Variants in PRKRIP1 observed in about 807,000 individuals in gnomAD.
PRKRIP1 encodes PRKR-interacting protein 1.
A neutral mutation model predicts 29.3 loss-of-function variants in PRKRIP1; 29 were observed. The ratio of observed to expected loss-of-function variants is 0.99; its 90% CI spans 0.74 to 1.35. The LOEUF is 1.35. Among genes scored for constraint, PRKRIP1 ranks in the 40% most tolerant of loss-of-function variants. PRKRIP1 has a pLI of 0.00. For synonymous variants in PRKRIP1, 90 were observed against 85.1 expected (o/e 1.06, Z -0.32); for missense variants, 247 against 236.8 (o/e 1.04, Z -0.28).
intron 5 of PRKRIP1, among the ~76,000 whole-genome samples, chr7:102,413,550 C>T (rs1031743915): frequency 6.6e-6 from 1 of 152,094 alleles, no homozygotes; most frequent in Non-Finnish European, 1.5e-5. Flanking sequence ...TCATTTGAGG[C>T]CAGGAATTTG....
chr7:102,402,708 A>T (rs1239816379), intron 3 of PRKRIP1, among the ~76,000 whole-genome samples: 1 of 152,112 alleles, frequency 6.6e-6, no homozygotes, highest in Non-Finnish European at 1.5e-5. Context: ...TTTAAAAAAA[A>T]GGCAAGCACG....
intron 4 of PRKRIP1, among the ~76,000 whole-genome samples, chr7:102,406,345 G>T (rs1796221799): frequency 6.6e-6 from 1 of 152,212 alleles, no homozygotes; most frequent in African/African-American, 2.4e-5. Flanking sequence ...TGAGCTGGTT[G>T]TCGCAGGTGT....
chr7:102,425,303 C>A lies in PRKRIP1; in HGVS notation c.*192C>A. ...AGCCTGAGGGGCCATCTCCCTGACA[C>A]TCAGAGGCACTGCCTTGCAGACACC... On this transcript the variant is annotated 3_prime_UTR_variant, in exon 6 of 6. Transcript: ENST00000397912. The A allele has an allele frequency of 8.9e-7, 1 of 1,129,772 alleles. No individual in the cohort carries two copies. Among genetic ancestry groups the A allele is most frequent in the Non-Finnish European group, 1.2e-6 (1 of 806,238 alleles). 70.0% of individuals were successfully genotyped at this position (1,129,772 alleles called of 1,614,324 possible).
At chr7:102,406,789 T>C (rs943566050) in intron 4 of PRKRIP1, among the ~76,000 whole-genome samples, 6 of 151,862 alleles carry the variant, frequency 4.0e-5, no homozygotes, top group African/African-American at 1.5e-4. Flanking sequence ...ATTTTGAATT[T>C]GAATAAGAAA....
chr7:102,398,717 C>G (rs1554570796), intron 2 of PRKRIP1, among the ~76,000 whole-genome samples: 2 of 152,138 alleles, frequency 1.3e-5, no homozygotes, highest in Non-Finnish European at 2.9e-5. Context: ...TTCCAGGCAA[C>G]CTAGTTAAAG....
intron 5 of PRKRIP1, among the ~76,000 whole-genome samples, chr7:102,422,740 G>A (rs575953502): frequency 1.3e-5 from 2 of 152,120 alleles, no homozygotes. Context: ...GTCTCCCAAA[G>A]TGCTGGGATT....
In PRKRIP1 at chr7:102,404,685, TA is replaced by T. The variant is rs1554571624; in HGVS notation, c.392+4del. 1.9e-6 allele frequency: 3 copies of T among 1,612,602 alleles called. No homozygotes were observed. Among genetic ancestry groups the T allele is most frequent in the Non-Finnish European group, 2.5e-6 (3 of 1,179,206 alleles). On this transcript the variant is annotated splice_donor_region_variant and intron_variant, in intron 4 of 5. Coordinates refer to ENST00000397912, the MANE Select transcript of PRKRIP1 (RefSeq NM_024653.4). ...GACCGCAAAGCGCCGGAAGAAGCGGTAAGCGGCATGGCCTAACTGTGATGAC... is the reference window on the plus strand; with the variant it reads ...GACCGCAAAGCGCCGGAAGAAGCGGTAGCGGCATGGCCTAACTGTGATGAC...
At chr7:102,424,342 G>C (rs1796780096) in intron 5 of PRKRIP1, among the ~76,000 whole-genome samples, 1 of 152,274 alleles carries the variant, frequency 6.6e-6, no homozygotes, top group South Asian at 2.1e-4. Context: ...CGGCGTCCTG[G>C]CATGGCTGAG....
rs781814373 is a variant in PRKRIP1 at position 102,425,114 on chromosome 7, A to G, written c.*3A>G. 1.1e-4 allele frequency: 176 copies of G among 1,610,734 alleles called. No individual in the cohort carries two copies. The Middle Eastern group carries it at 1.3e-3, about 12-fold the overall frequency. On this transcript the variant is annotated 3_prime_UTR_variant, in exon 6 of 6. Transcript: ENST00000397912. ...CCAGTTTCACCATGGGGCGATGACA[A>G]TGTTTGCCACAGCCTCTGCCTGGAA...
intron 3 of PRKRIP1, chr7:102,404,349 A>G (rs1796155318): frequency 7.2e-6 from 3 of 417,302 alleles, no homozygotes; most frequent in East Asian, 4.0e-5. Context: ...ATTGTCTCCT[A>G]TATTGTGCTA....
intron 5 of PRKRIP1, among the ~76,000 whole-genome samples, chr7:102,414,175 G>A (rs1332607253): frequency 6.6e-6 from 1 of 151,984 alleles, no homozygotes; most frequent in South Asian, 2.1e-4. Context: ...TGCAGTGAGC[G>A]AAGATGCGCC....
chr7:102,396,388 C>G lies in PRKRIP1; in HGVS notation c.-24C>G, dbSNP rs782347738. The stretch of plus-strand genomic sequence containing the variant: ...ATACTTGCGCGCCGACGCCGCCGCT[C>G]GCTTGTGAAACTGGAAGGCTGCCAT... On this transcript the variant is annotated 5_prime_UTR_variant, in exon 1 of 6. Coordinates refer to ENST00000397912, the MANE Select transcript of PRKRIP1 (RefSeq NM_024653.4). 72 of 1,520,742 alleles carry G rather than the reference C, an allele frequency of 4.7e-5. No homozygotes were observed. The Admixed American group carries it at 6.3e-4, about 13-fold the overall frequency. The allele number at this position is 1,520,742 out of a possible 1,614,324, so 94.2% of individuals were successfully genotyped here.
chr7:102,424,662 C>T (rs187633653), intron 5 of PRKRIP1, among the ~76,000 whole-genome samples: 1 of 152,316 alleles, frequency 6.6e-6, no homozygotes, highest in East Asian at 1.9e-4. Flanking sequence ...AGAGTGTTGT[C>T]AGCCTGGCGT....
chr7:102,399,753 GTAA>G (rs1253400487), intron 3 of PRKRIP1, 105 bp downstream of exon 3: 1 of 861,640 alleles, frequency 1.2e-6, no homozygotes, highest in Non-Finnish European at 1.9e-6. Context: ...GCTCAGGCCT[GTAA>G]TCCCAGCACT....
intron 5 of PRKRIP1, chr7:102,422,874 C>T: frequency 3.7e-6 from 1 of 268,890 alleles, no homozygotes; most frequent in East Asian, 9.4e-5. Context: ...GGGTCACATC[C>T]CCAAGATATC....
rs577686502 is a variant in PRKRIP1 at position 102,421,961 on chromosome 7, C to T, written c.458-3053C>T. Among the ~76,000 whole-genome samples, 25 of 151,876 alleles carry T rather than the reference C, an allele frequency of 1.6e-4. No individual in the cohort carries two copies. The East Asian group carries it at 4.1e-3, about 25-fold the overall frequency. The stretch of plus-strand genomic sequence containing the variant: ...GCTATTTTCCACTGTATGAATGGCC[C>T]GTCATATTTATTACCGTTAAGCACT... On this transcript the variant is annotated intron_variant, in intron 5 of 5. Transcript: ENST00000397912.
chr7:102,410,320 G>A (rs1554572392), intron 5 of PRKRIP1, among the ~76,000 whole-genome samples: 1 of 152,154 alleles, frequency 6.6e-6, no homozygotes, highest in Non-Finnish European at 1.5e-5. Flanking sequence ...CTGCTGTCTT[G>A]GTTGGTGGGA....
chr7:102,411,772 A>C (rs1398900021), intron 5 of PRKRIP1, among the ~76,000 whole-genome samples: 2 of 150,828 alleles, frequency 1.3e-5, no homozygotes, highest in Non-Finnish European at 2.9e-5. Flanking sequence ...AAAAGGCTAT[A>C]ATTTCTCCAC....
At chr7:102,415,990 G>T (rs1252397378) in intron 5 of PRKRIP1, among the ~76,000 whole-genome samples, 1 of 152,190 alleles carries the variant, frequency 6.6e-6, no homozygotes, top group African/African-American at 2.4e-5. Context: ...TGTTCACGCC[G>T]CCTGACTTCT....
Sources: allele counts gnomAD v4.1 joint callset (sites outside exome capture counted in the v4.1 genomes callset), GRCh38; gene constraint gnomAD v4.1.1; transcripts MANE v1.5; gene names NCBI Gene and HGNC (gene_info 2026-07-23, HGNC 2026-07-21).